The following DNM1L variants were observed in gnomAD, a reference collection of about 807,000 sequenced individuals.
DNM1L encodes dynamin 1L, also known as dynamin-1-like protein.
In DNM1L, 33 loss-of-function variants were observed where a neutral mutation model predicts 92.8. The ratio of observed to expected loss-of-function variants is 0.36; its 90% CI spans 0.27 to 0.48. DNM1L has a LOEUF of 0.48. DNM1L is among the 20% of genes least tolerant of loss of function. DNM1L has a pLI of 0.99. For synonymous variants in DNM1L, 284 were observed against 305.0 expected, an observed-to-expected ratio of 0.93 and a Z score of 0.72; for missense variants, 485 against 888.8, an observed-to-expected ratio of 0.55 and a Z score of 5.78.
rs1047606959 is a variant in DNM1L at position 32,744,238 on chromosome 12, T to C, written c.*828T>C. On this transcript the variant is annotated 3_prime_UTR_variant, in exon 20 of 20. Transcript: ENST00000549701. ...AATTTCCCTTAATTTGCAAATACAG[T>C]AGTAATTAAGGTACATCTCTAAAGT... The C allele has an allele frequency of 2.0e-5, 3 of 152,280 alleles. No individual in the cohort carries two copies. Among genetic ancestry groups the C allele is most frequent in the African/African-American group, 7.2e-5 (3 of 41,458 alleles). The allele number at this position is 152,280 out of a possible 1,614,324, so 9.4% of individuals were successfully genotyped here. A position where few individuals can be genotyped will look rare whatever the true frequency, so the allele number is the denominator to read the frequency against.
intron 9 of DNM1L, among the ~76,000 whole-genome samples, chr12:32,723,675 C>T (rs892461415): frequency 1.8e-4 from 21 of 117,058 alleles, no homozygotes; most frequent in African/African-American, 6.6e-4. Context: ...GCCTGGGCAA[C>T]AGAGCAAGAC....
chr12:32,724,623 T>A (rs7316891), intron 9 of DNM1L, among the ~76,000 whole-genome samples: 16,595 of 131,332 alleles, frequency 0.13, 975 homozygotes, highest in Middle Eastern at 0.17. Context: ...TATATATAAA[T>A]TATATTAATT....
chr12:32,683,258 C>T (rs926959553), intron 1 of DNM1L, among the ~76,000 whole-genome samples: 4 of 152,170 alleles, frequency 2.6e-5, no homozygotes, highest in Non-Finnish European at 5.9e-5. Flanking sequence ...GGGTCTGGCT[C>T]TTTCACCCAG....
At chr12:32,705,786 G>A (rs776489059) in intron 2 of DNM1L, 6 of 1,578,198 alleles carry the variant, frequency 3.8e-6, no homozygotes, top group Non-Finnish European at 4.3e-6. Context: ...TTAGGGATAA[G>A]CACTAAACTT....
intron 13 of DNM1L, among the ~76,000 whole-genome samples, chr12:32,735,065 T>A (rs1390035842): frequency 1.3e-5 from 2 of 152,184 alleles, no homozygotes; most frequent in African/African-American, 4.8e-5. Context: ...CTTAAAGGAT[T>A]TAGTTTTTTT....
rs1955533026 is a variant in DNM1L, at chr12:32,744,723, AAAT to A, written c.*1316_*1318del. On this transcript the variant is annotated 3_prime_UTR_variant, in exon 20 of 20. Transcript: ENST00000549701. The stretch of plus-strand genomic sequence containing the variant: ...AGCGAAACTCCGTCTCAAAAAAAAA[AAAT>A]AAAACAACACCCAGATAGATACACA... The A allele has an allele frequency of 1.1e-5, 4 of 367,286 alleles. No individual in the cohort carries two copies. The highest frequency in any genetic ancestry group is 8.4e-5 in the South Asian group (4 of 47,526). 22.8% of individuals were successfully genotyped at this position (367,286 alleles called of 1,614,324 possible).
chr12:32,725,268 T>G (rs1244261409), intron 9 of DNM1L: 2 of 152,182 alleles, frequency 1.3e-5, no homozygotes, highest in Non-Finnish European at 2.9e-5. Flanking sequence ...ATTTTTATTT[T>G]AGGCTACAAA....
Position 32,706,861 on chromosome 12 carries a change from T to C in DNM1L, c.251-506T>C, listed in dbSNP as rs192190155. On this transcript the variant is annotated intron_variant, in intron 2 of 19. Transcript: ENST00000549701. The stretch of plus-strand genomic sequence containing the variant: ...TTTTAAAAAGAACTGAAGAATTAGC[T>C]GTTTCATTGACACATTGTAAAATTT... 3.7e-5 allele frequency: 13 copies of C among 349,020 alleles called. No homozygotes were observed. In the East Asian group the frequency reaches 9.0e-4, roughly 24 times the overall value. The allele number at this position is 349,020 out of a possible 1,614,324, so 21.6% of individuals were successfully genotyped here.
intron 1 of DNM1L, among the ~76,000 whole-genome samples, chr12:32,685,645 G>A (rs11829389): frequency 0.15 from 23,417 of 151,986 alleles, 1,912 homozygotes; most frequent in Middle Eastern, 0.21. Flanking sequence ...TTACAGGCGT[G>A]AGCTGCTGCG....
chr12:32,702,702 G>GA (rs35814379), intron 2 of DNM1L, among the ~76,000 whole-genome samples: 14 of 151,084 alleles, frequency 9.3e-5, no homozygotes, highest in East Asian at 3.9e-4. Context: ...TTTTAATGGG[G>GA]AAAAAAAACC....
rs1198184975 is a variant in DNM1L, at chr12:32,731,649, T to C, written c.1356+138T>C. 9.3e-6 allele frequency: 11 copies of C among 1,181,272 alleles called. No homozygotes were observed. The highest frequency in any genetic ancestry group is 1.3e-5 in the Non-Finnish European group (11 of 826,752). The allele number at this position is 1,181,272 out of a possible 1,614,324, so 73.2% of individuals were successfully genotyped here. A position where few individuals can be genotyped will look rare whatever the true frequency, so the allele number is the denominator to read the frequency against. Reference sequence around the variant, plus strand: ...TCCCTTACCTGAAAGTGATTTGAAATAGGATTCTTAAATGTAGTCTCCAAA... The same window carrying C: ...TCCCTTACCTGAAAGTGATTTGAAACAGGATTCTTAAATGTAGTCTCCAAA... On this transcript the variant is annotated intron_variant, in intron 11 of 19. Transcript: ENST00000549701. This position sits in a 1 kb window ranked among gnomAD's most constrained non-coding sequence, Gnocchi z 5.1.
At chr12:32,738,123 A>G (rs1441487675) in intron 15 of DNM1L, 141 bp from the exon 16 acceptor site, 1 of 1,117,872 alleles carries the variant, frequency 8.9e-7, no homozygotes, top group Non-Finnish European at 1.3e-6. Flanking sequence ...TATATTGTTG[A>G]CATGCTTTTG....
chr12:32,731,598 A>G lies in DNM1L; in HGVS notation c.1356+87A>G. 6.5e-7 allele frequency: 1 copy of G among 1,532,986 alleles called. No individual in the cohort carries two copies. The highest frequency in any genetic ancestry group is 8.9e-7 in the Non-Finnish European group (1 of 1,119,732). 95.0% of individuals were successfully genotyped at this position (1,532,986 alleles called of 1,614,324 possible). A position where few individuals can be genotyped will look rare whatever the true frequency, so the allele number is the denominator to read the frequency against. On this transcript the variant is annotated intron_variant, in intron 11 of 19. Coordinates refer to ENST00000549701, the MANE Select transcript of DNM1L (RefSeq NM_012062.5). The surrounding 1 kb of genome is among the most constrained non-coding windows in gnomAD (Gnocchi z 5.1). ...CACTGGGTGGAAGGAAATGTATAAG[A>G]TGGGATACAAGGTAAAATCTGTAGT...
chr12:32,717,249 GTA>G (rs1471092086), intron 6 of DNM1L, among the ~76,000 whole-genome samples: 6 of 92,888 alleles, frequency 6.5e-5, no homozygotes, highest in Non-Finnish European at 9.8e-5. Context: ...TTTATATATA[GTA>G]TATATAGTAT....
chr12:32,682,362 C>A (rs1343684297), intron 1 of DNM1L, among the ~76,000 whole-genome samples: 1 of 152,144 alleles, frequency 6.6e-6, no homozygotes, highest in Admixed American at 6.6e-5. Flanking sequence ...CAACTCCCGA[C>A]CTCAGGTGAT....
chr12:32,712,853 C>T (rs1953193255), intron 5 of DNM1L, among the ~76,000 whole-genome samples: 1 of 151,948 alleles, frequency 6.6e-6, no homozygotes, highest in South Asian at 2.1e-4. Flanking sequence ...ACTACTGTAA[C>T]ATAATCTGAC....
chr12:32,743,473 T>C lies in DNM1L; in HGVS notation c.*63T>C, dbSNP rs373540055. 11 of 1,486,876 alleles carry C rather than the reference T, an allele frequency of 7.4e-6. No individual in the cohort carries two copies. The African/African-American group carries it at 1.4e-4, about 19-fold the overall frequency. 92.1% of individuals were successfully genotyped at this position (1,486,876 alleles called of 1,614,324 possible). On this transcript the variant is annotated 3_prime_UTR_variant, in exon 20 of 20. Coordinates refer to ENST00000549701, the MANE Select transcript of DNM1L (RefSeq NM_012062.5). ...ACTTGCTAGTTACTGCCTACCTGAG[T>C]AGAATCTTATTTATGAACTCCTGTG...
Position 32,743,431 on chromosome 12 carries a change from G to C in DNM1L, c.*21G>C, listed in dbSNP as rs1059422. The C allele has an allele frequency of 0.14, 224,086 of 1,609,482 alleles. 16,293 individuals carry two copies. Among genetic ancestry groups the C allele is most frequent in the African/African-American group, 0.21 (15,526 of 74,796 alleles). Reference sequence around the variant, plus strand: ...GGTGAAGAGAACTATGTAATACTGAGACTTTGTTGACTCAAAACTTGCTAG... The same window carrying C: ...GGTGAAGAGAACTATGTAATACTGACACTTTGTTGACTCAAAACTTGCTAG... On this transcript the variant is annotated 3_prime_UTR_variant, in exon 20 of 20. Coordinates refer to ENST00000549701, the MANE Select transcript of DNM1L (RefSeq NM_012062.5).
chr12:32,700,744 A>C (rs749027846), intron 1 of DNM1L, among the ~76,000 whole-genome samples: 3 of 152,016 alleles, frequency 2.0e-5, no homozygotes, highest in Non-Finnish European at 4.4e-5. Flanking sequence ...ACACACTGTA[A>C]TAATAATAAT....
Sources: allele counts gnomAD v4.1 joint callset (sites outside exome capture counted in the v4.1 genomes callset), GRCh38; gene constraint gnomAD v4.1.1; non-coding constraint Gnocchi (gnomAD v3.1); transcripts MANE v1.5; gene names NCBI Gene and HGNC (gene_info 2026-07-23, HGNC 2026-07-21).